The following NR3C2 variants were observed in gnomAD, a reference collection of about 807,000 sequenced individuals.
NR3C2 encodes the protein nuclear receptor subfamily 3 group C member 2.
NR3C2 carries 15 observed loss-of-function variants against 86.4 expected under a neutral mutation model. The ratio of observed to expected loss-of-function variants is 0.17; its 90% CI spans 0.12 to 0.27. NR3C2 has a LOEUF of 0.27. Among genes scored for constraint, NR3C2 ranks in the 10% least tolerant of loss-of-function variants. NR3C2 has a pLI of 1.00. For synonymous variants in NR3C2, 458 were observed against 450.5 expected (o/e 1.02, Z -0.21); for missense variants, 960 against 1,195.6 (o/e 0.80, Z 2.91).
chr4:148,413,459 C>G (rs1267528233), intron 2 of NR3C2, among the ~76,000 whole-genome samples: 1 of 151,830 alleles, frequency 6.6e-6, no homozygotes, highest in African/African-American at 2.4e-5. Flanking sequence ...GGATATAAAG[C>G]ACAAACCTTA....
chr4:148,126,274 T>A (rs187015885), intron 6 of NR3C2, among the ~76,000 whole-genome samples: 2 of 152,340 alleles, frequency 1.3e-5, no homozygotes, highest in Non-Finnish European at 2.9e-5. Context: ...ATGTATGAAC[T>A]AAGTATATGC....
chr4:148,178,944 A>C (rs1004318078), intron 4 of NR3C2, among the ~76,000 whole-genome samples: 4 of 151,032 alleles, frequency 2.6e-5, no homozygotes, highest in Admixed American at 6.6e-5. Context: ...AAAAAAAAAA[A>C]AAACAAAAAA....
intron 3 of NR3C2, among the ~76,000 whole-genome samples, chr4:148,233,530 T>C (rs1177040448): frequency 6.6e-6 from 1 of 151,982 alleles, no homozygotes; most frequent in East Asian, 1.9e-4. Context: ...CTGGATAATT[T>C]TGTATGTTTT....
intron 8 of NR3C2, among the ~76,000 whole-genome samples, chr4:148,095,029 C>T (rs556707938): frequency 3.9e-5 from 6 of 152,030 alleles, no homozygotes; most frequent in African/African-American, 1.5e-4. Context: ...ATAGTGCTTA[C>T]CAGGAGTAGG....
intron 6 of NR3C2, among the ~76,000 whole-genome samples, chr4:148,129,305 A>T (rs1732897746): frequency 6.6e-6 from 1 of 152,220 alleles, no homozygotes; most frequent in Non-Finnish European, 1.5e-5. Flanking sequence ...TATATGAGCT[A>T]TCTAAAGTAG....
At chr4:148,444,337 C>A (rs1255375580), upstream of NR3C2, 2 of 985,316 alleles carry the variant, frequency 2.0e-6, no homozygotes, top group Non-Finnish European at 2.4e-6. Context: ...CGCGATCACT[C>A]GCCCGCCACC....
At chr4:148,254,577 G>A (rs1211665978) in intron 3 of NR3C2, among the ~76,000 whole-genome samples, 1 of 152,166 alleles carries the variant, frequency 6.6e-6, no homozygotes, top group Non-Finnish European at 1.5e-5. Flanking sequence ...CCATTAGCAC[G>A]ACAGCCTTAT....
At chr4:148,129,580 C>A (rs1229187380) in intron 6 of NR3C2, among the ~76,000 whole-genome samples, 6 of 152,140 alleles carry the variant, frequency 3.9e-5, no homozygotes. Flanking sequence ...CATAATCCTA[C>A]CTGTTATAAC....
chr4:148,288,587 A>T (rs1195575063), intron 2 of NR3C2, among the ~76,000 whole-genome samples: 1 of 152,226 alleles, frequency 6.6e-6, no homozygotes, highest in Non-Finnish European at 1.5e-5. Context: ...TCTGGAGCAT[A>T]GGAAAGGTTG....
At chr4:148,309,356 C>T (rs1579135219) in intron 2 of NR3C2, among the ~76,000 whole-genome samples, 2 of 152,188 alleles carry the variant, frequency 1.3e-5, no homozygotes, top group African/African-American at 2.4e-5. Context: ...CACAATTTTG[C>T]CCTTAAATAA....
chr4:148,289,116 T>G (rs1054756987), intron 2 of NR3C2, among the ~76,000 whole-genome samples: 1 of 152,168 alleles, frequency 6.6e-6, no homozygotes, highest in Non-Finnish European at 1.5e-5. Context: ...AAGGAAAATT[T>G]TAAAATAAAC....
At chr4:148,327,666 G>C (rs1046703385) in intron 2 of NR3C2, among the ~76,000 whole-genome samples, 9 of 152,190 alleles carry the variant, frequency 5.9e-5, no homozygotes, top group African/African-American at 1.9e-4. Flanking sequence ...CAAAGGGCTT[G>C]AACAAGAGTG....
upstream of NR3C2, chr4:148,442,736 G>T: frequency 1.0e-6 from 1 of 985,400 alleles, no homozygotes; most frequent in Non-Finnish European, 1.2e-6. Context: ...AGCCGCAGCC[G>T]CGGCGGGAGC....
At chr4:148,102,157 C>T (rs1731566501) in intron 8 of NR3C2, among the ~76,000 whole-genome samples, 1 of 152,198 alleles carries the variant, frequency 6.6e-6, no homozygotes, top group Non-Finnish European at 1.5e-5. Flanking sequence ...CTTCCTTTAG[C>T]AGCAGCGCTT....
chr4:148,362,101 A>G (rs1308258319), intron 2 of NR3C2, among the ~76,000 whole-genome samples: 1 of 152,204 alleles, frequency 6.6e-6, no homozygotes, highest in Non-Finnish European at 1.5e-5. Context: ...GGCCACCCAT[A>G]GTGCTGGGAT....
intron 2 of NR3C2, among the ~76,000 whole-genome samples, chr4:148,309,551 AGT>A (rs1317769280): frequency 6.9e-6 from 1 of 145,898 alleles, no homozygotes; most frequent in Non-Finnish European, 1.5e-5. Flanking sequence ...TAAAAGATGC[AGT>A]GTTTTTATGA....
At chr4:148,184,103 T>A (rs1242295339) in intron 4 of NR3C2, among the ~76,000 whole-genome samples, 1 of 151,970 alleles carries the variant, frequency 6.6e-6, no homozygotes, top group Non-Finnish European at 1.5e-5. Flanking sequence ...CATTAAGAAA[T>A]CCTGTTTTAA....
chr4:148,423,227 TAA>T lies in NR3C2; in HGVS notation c.1757+11875_1757+11876del, dbSNP rs11363007. Among the ~76,000 whole-genome samples, 411 of 148,592 alleles carry T rather than the reference TAA, an allele frequency of 2.8e-3. 7 individuals are homozygous for T. In the East Asian group the frequency reaches 0.047, roughly 17 times the overall value. On this transcript the variant is annotated intron_variant, in intron 2 of 8. Transcript: ENST00000358102. ...ACCCCCTTTTATGTCATTCCTGAATTAAAAAAAAAAAAAGTTTAATGTGCTAT... is the reference window on the plus strand; with the variant it reads ...ACCCCCTTTTATGTCATTCCTGAATTAAAAAAAAAAAGTTTAATGTGCTAT...
chr4:148,114,281 CA>C lies in NR3C2; in HGVS notation c.2642-21del, dbSNP rs759701497. The C allele has an allele frequency of 1.9e-6, 3 of 1,613,208 alleles. No individual in the cohort carries two copies. The African/African-American group carries it at 4.0e-5, about 22-fold the overall frequency. ...TTGGAACTGTGTTAAGGAAAACAGA[CA>C]TGTAAATTTCCAGGATGGAAAACAA... On this transcript the variant is annotated intron_variant, in intron 7 of 8. Coordinates refer to ENST00000358102, the MANE Select transcript of NR3C2 (RefSeq NM_000901.5).
Sources: gnomAD v4.1 joint callset for allele counts (sites outside exome capture counted in the v4.1 genomes callset) on GRCh38, gnomAD v4.1.1 for gene constraint, MANE v1.5 for transcripts, NCBI Gene and HGNC (gene_info 2026-07-23, HGNC 2026-07-21) for gene names.